The following GABBR2 variants were observed in gnomAD, a reference collection of about 807,000 sequenced individuals.
GABBR2 encodes the protein gamma-aminobutyric acid type B receptor subunit 2, also known as G-protein coupled receptor 51.
Under a neutral mutation model 105.6 loss-of-function variants are expected in GABBR2, and 23 were observed. That is an observed-to-expected ratio of 0.22 (90% CI 0.16 to 0.31). GABBR2 has a LOEUF of 0.31. Among genes scored for constraint, GABBR2 ranks in the 10% least tolerant of loss-of-function variants. GABBR2 has a pLI of 1.00. For synonymous variants in GABBR2, 478 were observed against 499.7 expected, an observed-to-expected ratio of 0.96 and a Z score of 0.58; for missense variants, 734 against 1,245.5, an observed-to-expected ratio of 0.59 and a Z score of 6.18.
chr9:98,498,287 A>G (rs893053350), intron 3 of GABBR2, among the ~76,000 whole-genome samples: 1 of 152,230 alleles, frequency 6.6e-6, no homozygotes, highest in Non-Finnish European at 1.5e-5. Context: ...TGGAATGAAA[A>G]AAAAAGTTCT....
At chr9:98,368,176 T>C (rs1165285714) in intron 12 of GABBR2, among the ~76,000 whole-genome samples, 1 of 152,016 alleles carries the variant, frequency 6.6e-6, no homozygotes, top group Non-Finnish European at 1.5e-5. Flanking sequence ...ATTACCATCC[T>C]CTGATGTCCA....
chr9:98,313,859 T>C (rs2131365684), intron 13 of GABBR2, among the ~76,000 whole-genome samples: 1 of 152,268 alleles, frequency 6.6e-6, no homozygotes, highest in Non-Finnish European at 1.5e-5. Context: ...GTGTGACCTT[T>C]GAAGCAGGCA....
At chr9:98,439,964 T>C (rs1376224850) in intron 7 of GABBR2, among the ~76,000 whole-genome samples, 3 of 152,192 alleles carry the variant, frequency 2.0e-5, no homozygotes, top group Non-Finnish European at 2.9e-5. Context: ...TTGGCCTCTT[T>C]AGGGCCAAAG....
intron 1 of GABBR2, among the ~76,000 whole-genome samples, chr9:98,668,146 G>A (rs1489212285): frequency 5.3e-5 from 8 of 152,188 alleles, no homozygotes; most frequent in South Asian, 2.1e-4. Context: ...CCCTCCTACC[G>A]TCCGTCCTCT....
chr9:98,496,941 T>C (rs529029784), intron 3 of GABBR2, among the ~76,000 whole-genome samples: 4 of 152,016 alleles, frequency 2.6e-5, no homozygotes, highest in African/African-American at 9.7e-5. Flanking sequence ...CAATATAGAG[T>C]AAAGGAAAGA....
intron 7 of GABBR2, among the ~76,000 whole-genome samples, chr9:98,449,112 G>A (rs936803023): frequency 6.6e-6 from 1 of 152,224 alleles, no homozygotes; most frequent in African/African-American, 2.4e-5. Context: ...GTTGGGAAGA[G>A]GGGCCTGGTA....
chr9:98,573,826 A>C (rs1828871022), intron 2 of GABBR2, among the ~76,000 whole-genome samples: 1 of 152,234 alleles, frequency 6.6e-6, no homozygotes, highest in Admixed American at 6.5e-5. Flanking sequence ...TACCACAGGC[A>C]TGCATAGATC....
chr9:98,522,021 A>C (rs1175786642), intron 3 of GABBR2, among the ~76,000 whole-genome samples: 7 of 152,198 alleles, frequency 4.6e-5, no homozygotes, highest in Non-Finnish European at 1.5e-5. Flanking sequence ...AAAATAAAAT[A>C]TATGAGAAAA....
rs56768409 is a variant in GABBR2, at chr9:98,436,280, CATATAT to C, written c.1236+17695_1236+17700del. Among the ~76,000 whole-genome samples, 45 of 53,920 alleles carry C rather than the reference CATATAT, an allele frequency of 8.3e-4. 4 individuals are homozygous for C. The highest frequency in any genetic ancestry group is 1.7e-3 in the Admixed American group (7 of 4,108). The allele number at this position is 53,920 out of a possible 152,430, so 35.4% of individuals were successfully genotyped here. The stretch of plus-strand genomic sequence containing the variant: ...CTTCTGTTATTTAAACAACAACAAC[CATATAT>C]ATATATATATATATATACCCATAAA... On this transcript the variant is annotated intron_variant, in intron 7 of 18. Transcript: ENST00000259455.
At chr9:98,341,625 G>A (rs1831215024) in intron 13 of GABBR2, among the ~76,000 whole-genome samples, 1 of 152,194 alleles carries the variant, frequency 6.6e-6, no homozygotes. Flanking sequence ...ATCCAGTTAC[G>A]ATTGCCTGAT....
intron 3 of GABBR2, among the ~76,000 whole-genome samples, chr9:98,534,078 A>C (rs550086761): frequency 3.9e-5 from 6 of 152,334 alleles, no homozygotes; most frequent in Admixed American, 3.9e-4. Flanking sequence ...AGTTGACCCA[A>C]GGCCCTTTTG....
rs76672305 is a variant in GABBR2 at position 98,668,564 on chromosome 9, C to T, written c.321+39853G>A. On this transcript the variant is annotated intron_variant, in intron 1 of 18. Transcript: ENST00000259455. ...AGCCATTTTGAAATGTACAGTTCAGCAGCTTTAAGTAAATTTACATTGTTG... is the reference window on the plus strand; with the variant it reads ...AGCCATTTTGAAATGTACAGTTCAGTAGCTTTAAGTAAATTTACATTGTTG... Among the ~76,000 whole-genome samples, 438 of 150,030 alleles carry T rather than the reference C, an allele frequency of 2.9e-3. 8 individuals are homozygous for T. In the East Asian group the frequency reaches 0.04, roughly 14 times the overall value.
chr9:98,491,368 T>A (rs1827172896), intron 4 of GABBR2, among the ~76,000 whole-genome samples: 1 of 152,220 alleles, frequency 6.6e-6, no homozygotes, highest in Non-Finnish European at 1.5e-5. Flanking sequence ...GTTCGTTTTT[T>A]GAAACACAAT....
intron 14 of GABBR2, among the ~76,000 whole-genome samples, chr9:98,310,562 A>C (rs1241717522): frequency 6.6e-6 from 1 of 152,172 alleles, no homozygotes; most frequent in African/African-American, 2.4e-5. Context: ...CTTTGATTTC[A>C]AAAGATGAGT....
At chr9:98,423,184 C>T (rs527236566) in intron 7 of GABBR2, among the ~76,000 whole-genome samples, 4 of 152,310 alleles carry the variant, frequency 2.6e-5, no homozygotes, top group East Asian at 3.9e-4. Flanking sequence ...GAGGAATCGC[C>T]GCACTGACTT....
intron 12 of GABBR2, among the ~76,000 whole-genome samples, chr9:98,369,652 C>T (rs967303570): frequency 6.6e-6 from 1 of 152,162 alleles, no homozygotes; most frequent in African/African-American, 2.4e-5. Context: ...CCACTGGTGC[C>T]AGGTAGCCAG....
intron 3 of GABBR2, among the ~76,000 whole-genome samples, chr9:98,531,227 C>T (rs186981943): frequency 4.1e-4 from 63 of 152,322 alleles, no homozygotes; most frequent in African/African-American, 1.3e-3. Flanking sequence ...CACAGACCCA[C>T]GGCCAGTCAC....
chr9:98,313,122 CA>C (rs1830661023), intron 13 of GABBR2, among the ~76,000 whole-genome samples: 1 of 152,174 alleles, frequency 6.6e-6, no homozygotes, highest in South Asian at 2.1e-4. Flanking sequence ...TAAATTTTTC[CA>C]GATTGGGCCA....
At chr9:98,530,593 C>A (rs1446462883) in intron 3 of GABBR2, among the ~76,000 whole-genome samples, 1 of 152,056 alleles carries the variant, frequency 6.6e-6, no homozygotes, top group African/African-American at 2.4e-5. Context: ...GCCTGGGCAA[C>A]AAAATGAGAC....
Sources: gnomAD v4.1 joint callset for allele counts (sites outside exome capture counted in the v4.1 genomes callset) on GRCh38, gnomAD v4.1.1 for gene constraint, MANE v1.5 for transcripts, NCBI Gene and HGNC (gene_info 2026-07-23, HGNC 2026-07-21) for gene names.